The following TAFA2 variants were observed in gnomAD, a reference collection of about 807,000 sequenced individuals.
TAFA2 encodes the protein TAFA chemokine like family member 2, also known as chemokine-like protein TAFA-2.
In TAFA2, 7 loss-of-function variants were observed where a neutral mutation model predicts 18.8. That is an observed-to-expected ratio of 0.37 (90% CI 0.21 to 0.70). The LOEUF (loss-of-function observed/expected upper bound fraction) is 0.70, where lower values mean the gene tolerates loss of function less well. Ranked by LOEUF, TAFA2 falls within the 30% of genes least tolerant of loss-of-function variation. TAFA2 has a pLI of 0.53. For missense variants in TAFA2, 122 were observed against 158.1 expected (o/e 0.77, Z 1.23); for synonymous variants, 60 against 54.2 (o/e 1.11, Z -0.47).
chr12:61,836,756 TACACACACACACACAA>T (rs1872946660), intron 2 of TAFA2, among the ~76,000 whole-genome samples: 24 of 119,794 alleles, frequency 2.0e-4, no homozygotes, highest in South Asian at 9.8e-4. Flanking sequence ...TATATATATA[TACACACACACACACAA>T]ATACATATAT....
intron 1 of TAFA2, among the ~76,000 whole-genome samples, chr12:62,045,701 T>A (rs982366748): frequency 2.0e-5 from 3 of 152,208 alleles, no homozygotes; most frequent in Admixed American, 2.0e-4. Context: ...TTCCTGTTTT[T>A]AAAAATTGAG....
chr12:62,213,996 T>A (rs1357386647), intron 1 of TAFA2, among the ~76,000 whole-genome samples: 1 of 152,174 alleles, frequency 6.6e-6, no homozygotes, highest in Non-Finnish European at 1.5e-5. Context: ...TCATTACCAG[T>A]ATGTAAACAC....
At chr12:62,175,884 T>A (rs200362639) in intron 1 of TAFA2, among the ~76,000 whole-genome samples, 308 of 4,664 alleles carry the variant, frequency 0.066, 2 homozygotes, top group Non-Finnish European at 0.2. Flanking sequence ...ATATATATAT[T>A]AAATTACAAG....
chr12:61,729,874 G>A (rs950219926), intron 4 of TAFA2, among the ~76,000 whole-genome samples: 1 of 152,088 alleles, frequency 6.6e-6, no homozygotes, highest in Admixed American at 6.6e-5. Flanking sequence ...AAAGATCTGG[G>A]ACTCAAGGGC....
At chr12:62,027,460 C>T (rs1377828950) in intron 1 of TAFA2, among the ~76,000 whole-genome samples, 1 of 152,070 alleles carries the variant, frequency 6.6e-6, no homozygotes, top group African/African-American at 2.4e-5. Context: ...AAATTTGTTG[C>T]AACAAACAAA....
chr12:61,772,533 A>G (rs1328118950), intron 2 of TAFA2, among the ~76,000 whole-genome samples: 1 of 152,000 alleles, frequency 6.6e-6, no homozygotes, highest in Non-Finnish European at 1.5e-5. Context: ...TGGGTTTCAT[A>G]CCAGGGATGC....
chr12:62,073,748 AAT>A (rs1882693538), intron 1 of TAFA2, among the ~76,000 whole-genome samples: 1 of 152,202 alleles, frequency 6.6e-6, no homozygotes, highest in South Asian at 2.1e-4. Flanking sequence ...AGATACTTAG[AAT>A]AGTTTTAGTT....
At chr12:62,220,511 C>T (rs1257769710) in intron 1 of TAFA2, among the ~76,000 whole-genome samples, 9 of 152,104 alleles carry the variant, frequency 5.9e-5, no homozygotes, top group Admixed American at 5.9e-4. Context: ...AAATTAATTG[C>T]GGATGCATGT....
intron 2 of TAFA2, among the ~76,000 whole-genome samples, chr12:61,837,111 AC>A (rs149968961): frequency 7.7e-4 from 117 of 151,826 alleles, no homozygotes; most frequent in African/African-American, 2.6e-3. Flanking sequence ...CAGATCCAAC[AC>A]TCCATATCTT....
At chr12:61,865,813 T>C (rs1874329135) in intron 2 of TAFA2, among the ~76,000 whole-genome samples, 1 of 152,156 alleles carries the variant, frequency 6.6e-6, no homozygotes, top group Non-Finnish European at 1.5e-5. Context: ...AAGCCCACAA[T>C]TTCTATGATC....
intron 1 of TAFA2, among the ~76,000 whole-genome samples, chr12:61,947,038 C>T (rs1878291911): frequency 2.7e-5 from 1 of 37,014 alleles, no homozygotes; most frequent in Non-Finnish European, 4.2e-5. Flanking sequence ...TTCACAATAG[C>T]AAAGACTTGG....
At chr12:62,053,825 A>T (rs1193953769) in intron 1 of TAFA2, among the ~76,000 whole-genome samples, 5 of 152,160 alleles carry the variant, frequency 3.3e-5, no homozygotes, top group Admixed American at 6.5e-5. Flanking sequence ...TAGTATTAGA[A>T]CCTATCTCAC....
intron 1 of TAFA2, among the ~76,000 whole-genome samples, chr12:62,151,841 T>G (rs968391192): frequency 1.3e-5 from 2 of 152,230 alleles, no homozygotes; most frequent in Non-Finnish European, 2.9e-5. Flanking sequence ...TTAAGAATAC[T>G]AAGAAGACTC....
At chr12:61,725,416 T>C (rs569203420) in intron 4 of TAFA2, among the ~76,000 whole-genome samples, 6 of 152,152 alleles carry the variant, frequency 3.9e-5, no homozygotes, top group African/African-American at 1.4e-4. Context: ...TATGGTTTCA[T>C]GTCTAACATT....
chr12:62,037,825 G>A (rs2136755024), intron 1 of TAFA2, among the ~76,000 whole-genome samples: 1 of 152,302 alleles, frequency 6.6e-6, no homozygotes, highest in East Asian at 1.9e-4. Context: ...CCGCCTGACA[G>A]ATGATTTAAC....
intron 1 of TAFA2, among the ~76,000 whole-genome samples, chr12:62,040,838 A>G (rs1881737813): frequency 6.6e-6 from 1 of 152,218 alleles, no homozygotes; most frequent in South Asian, 2.1e-4. Flanking sequence ...CAAACTGAAT[A>G]TAAAGAGAGA....
intron 1 of TAFA2, among the ~76,000 whole-genome samples, chr12:62,139,848 G>T (rs2062226139): frequency 6.6e-6 from 1 of 152,112 alleles, no homozygotes; most frequent in Non-Finnish European, 1.5e-5. Context: ...CTCGCCCAAG[G>T]TCACACAGTG....
chr12:61,744,231 C>T (rs1422361071), intron 4 of TAFA2, among the ~76,000 whole-genome samples: 2 of 152,108 alleles, frequency 1.3e-5, no homozygotes, highest in Non-Finnish European at 2.9e-5. Flanking sequence ...GGTGCTCAAA[C>T]TGGTCCTATT....
At chr12:62,013,628 T>G (rs1328074254) in intron 1 of TAFA2, among the ~76,000 whole-genome samples, 2 of 152,206 alleles carry the variant, frequency 1.3e-5, no homozygotes, top group African/African-American at 4.8e-5. Flanking sequence ...ACAGTGTGAG[T>G]AATGAACTGC....
Sources: gnomAD v4.1 joint callset for allele counts (sites outside exome capture counted in the v4.1 genomes callset) on GRCh38, gnomAD v4.1.1 for gene constraint, MANE v1.5 for transcripts, NCBI Gene and HGNC (gene_info 2026-07-23, HGNC 2026-07-21) for gene names.